Variants in NRXN3 observed in about 807,000 individuals in gnomAD.
The protein encoded by NRXN3 is neurexin III.
A neutral mutation model predicts 137.6 loss-of-function variants in NRXN3; 32 were observed. The observed-to-expected ratio is 0.23, with a 90% CI of 0.18 to 0.31. The LOEUF is 0.31. Among genes scored for constraint, NRXN3 ranks in the 10% least tolerant of loss-of-function variants. NRXN3 has a pLI of 1.00. For missense variants in NRXN3, 1,574 were observed against 2,062.5 expected (o/e 0.76, Z 4.59); for synonymous variants, 798 against 784.5 (o/e 1.02, Z -0.29).
At chr14:79,533,874 C>T (rs546624363) in intron 16 of NRXN3, among the ~76,000 whole-genome samples, 1 of 152,240 alleles carries the variant, frequency 6.6e-6, no homozygotes, top group Non-Finnish European at 1.5e-5. Flanking sequence ...AAGGAAACAG[C>T]TCAAGTAAAA....
At position 79,622,039 on chromosome 14, in the gene NRXN3, G is replaced by A. The variant is rs1047774606; in HGVS notation, c.3445-41739G>A. 2.6e-5 allele frequency among the ~76,000 whole-genome samples: 4 copies of A among 152,146 alleles called. No individual in the cohort carries two copies. In the South Asian group the frequency reaches 6.2e-4, roughly 24 times the overall value. On this transcript the variant is annotated intron_variant, in intron 16 of 20. Transcript: ENST00000335750. ...ACTGTATGCAGATTGAGAGGCACTGGGCTAGAATACTGAATTAGGGCTGAG... is the reference window on the plus strand; with the variant it reads ...ACTGTATGCAGATTGAGAGGCACTGAGCTAGAATACTGAATTAGGGCTGAG...
intron 4 of NRXN3, among the ~76,000 whole-genome samples, chr14:78,493,695 G>A (rs1051189083): frequency 6.6e-6 from 1 of 152,052 alleles, no homozygotes; most frequent in African/African-American, 2.4e-5. Flanking sequence ...TAGCTTGGAA[G>A]GGGAGATACT....
intron 4 of NRXN3, among the ~76,000 whole-genome samples, chr14:78,483,522 A>C (rs2095507175): frequency 1.3e-5 from 2 of 152,250 alleles, no homozygotes; most frequent in Non-Finnish European, 2.9e-5. Flanking sequence ...AACCGTGTTC[A>C]CTATTATCCA....
rs147150123 is a variant in NRXN3, at chr14:78,566,832, CTG to C, written c.758-78285_758-78284del. Among the ~76,000 whole-genome samples, 739 of 152,318 alleles carry C rather than the reference CTG, an allele frequency of 4.9e-3. 19 individuals are homozygous for C. In the East Asian group the frequency reaches 0.092, roughly 19 times the overall value. ...GCTTAATGCAGACCAAGTCCACAGT[CTG>C]TGGCTAGTGTGTGATTTGGCCCAGA... On this transcript the variant is annotated intron_variant, in intron 4 of 20. Coordinates refer to ENST00000335750, the MANE Select transcript of NRXN3 (RefSeq NM_001330195.2).
intron 4 of NRXN3, among the ~76,000 whole-genome samples, chr14:78,330,908 A>G (rs2080739146): frequency 6.6e-6 from 1 of 152,218 alleles, no homozygotes; most frequent in African/African-American, 2.4e-5. Context: ...CTGTAAGTAC[A>G]TACCTGTTGC....
At chr14:79,818,641 A>G (rs2099260787) in intron 20 of NRXN3, among the ~76,000 whole-genome samples, 1 of 152,194 alleles carries the variant, frequency 6.6e-6, no homozygotes, top group Non-Finnish European at 1.5e-5. Flanking sequence ...CATCTCTTAA[A>G]GTTGTAACTA....
chr14:79,594,714 G>A (rs1485826383), intron 16 of NRXN3, among the ~76,000 whole-genome samples: 1 of 151,722 alleles, frequency 6.6e-6, no homozygotes, highest in African/African-American at 2.4e-5. Context: ...TATATATAAA[G>A]GTCTGTGGGA....
chr14:78,745,606 T>A (rs1445529600), intron 8 of NRXN3, among the ~76,000 whole-genome samples: 1 of 152,228 alleles, frequency 6.6e-6, no homozygotes, highest in East Asian at 1.9e-4. Flanking sequence ...GTCCTTTGCG[T>A]TTGCCTCTTT....
intron 19 of NRXN3, chr14:79,760,844 CA>C (rs2099036024): frequency 1.3e-5 from 2 of 151,684 alleles, no homozygotes; most frequent in Admixed American, 6.5e-5. Flanking sequence ...GGTATGCCTG[CA>C]AAACTCTGGC....
intron 17 of NRXN3, among the ~76,000 whole-genome samples, chr14:79,664,389 C>G (rs537587041): frequency 1.7e-4 from 26 of 152,210 alleles, no homozygotes; most frequent in African/African-American, 6.0e-4. Flanking sequence ...AGGACAATTA[C>G]TGAACTTGAA....
At chr14:79,717,671 T>A (rs2098828187) in intron 19 of NRXN3, among the ~76,000 whole-genome samples, 2 of 152,314 alleles carry the variant, frequency 1.3e-5, no homozygotes, top group South Asian at 4.1e-4. Flanking sequence ...AGAAGAATAT[T>A]TAGGACAGTT....
intron 1 of NRXN3, among the ~76,000 whole-genome samples, chr14:78,213,119 T>C (rs2062906684): frequency 6.6e-6 from 1 of 152,118 alleles, no homozygotes; most frequent in Admixed American, 6.6e-5. Context: ...TGGAAACAAA[T>C]AGTTCTTGAT....
intron 8 of NRXN3, among the ~76,000 whole-genome samples, chr14:78,729,699 C>T (rs2098505326): frequency 6.6e-6 from 1 of 152,140 alleles, no homozygotes; most frequent in Non-Finnish European, 1.5e-5. Flanking sequence ...CAAACACACA[C>T]ACATGCACAT....
At chr14:79,605,935 C>G (rs959158801) in intron 16 of NRXN3, among the ~76,000 whole-genome samples, 1 of 152,162 alleles carries the variant, frequency 6.6e-6, no homozygotes, top group Non-Finnish European at 1.5e-5. Flanking sequence ...CAAGGATGCA[C>G]GCTGTCAAGT....
chr14:79,338,430 C>T (rs539605741), intron 15 of NRXN3, among the ~76,000 whole-genome samples: 18 of 152,212 alleles, frequency 1.2e-4, no homozygotes, highest in African/African-American at 2.9e-4. Flanking sequence ...TTTACCACTG[C>T]GTTCCCTCCA....
intron 19 of NRXN3, among the ~76,000 whole-genome samples, chr14:79,728,289 C>G (rs1379089157): frequency 6.6e-6 from 1 of 152,158 alleles, no homozygotes; most frequent in African/African-American, 2.4e-5. Flanking sequence ...TTCTTCCAGC[C>G]CAGGGAGAGT....
chr14:78,806,583 A>G (rs1395376809), intron 9 of NRXN3, among the ~76,000 whole-genome samples: 1 of 152,224 alleles, frequency 6.6e-6, no homozygotes, highest in Non-Finnish European at 1.5e-5. Context: ...CATTCATGAT[A>G]TAAAAGCCTA....
chr14:78,464,435 TAAAG>T (rs760884825), intron 4 of NRXN3, among the ~76,000 whole-genome samples: 2 of 152,196 alleles, frequency 1.3e-5, no homozygotes, highest in South Asian at 4.1e-4. Context: ...AGAAAAGAAA[TAAAG>T]AGTGTCTTAG....
At chr14:79,361,996 A>ATTATTATTATT (rs1555399871) in intron 15 of NRXN3, among the ~76,000 whole-genome samples, 1 of 142,120 alleles carries the variant, frequency 7.0e-6, no homozygotes, top group African/African-American at 2.6e-5. Flanking sequence ...CTACTTTTAT[A>ATTATTATTATT]ATTATTATTA....
Sources: allele counts gnomAD v4.1 joint callset (sites outside exome capture counted in the v4.1 genomes callset), GRCh38; gene constraint gnomAD v4.1.1; transcripts MANE v1.5; gene names NCBI Gene and HGNC (gene_info 2026-07-23, HGNC 2026-07-21).